The following ABCC3 variants were observed in gnomAD, a reference collection of about 807,000 sequenced individuals.
The protein encoded by ABCC3 is ATP binding cassette subfamily C member 3, also known as ATP-binding cassette sub-family C member 3.
A neutral mutation model predicts 165.3 loss-of-function variants in ABCC3; 121 were observed. The observed-to-expected ratio is 0.73, with a 90% CI of 0.63 to 0.85. ABCC3 has a LOEUF of 0.85. Among genes scored for constraint, ABCC3 ranks in the 40% least tolerant of loss-of-function variants. ABCC3 has a pLI of 0.00. For synonymous variants in ABCC3, 733 were observed against 810.1 expected (o/e 0.90, Z 1.62); for missense variants, 1,869 against 1,964.1 (o/e 0.95, Z 0.92).
rs116919241 is a variant in ABCC3, at chr17:50,672,835, G to A, written c.2242-136G>A. 4,749 of 728,088 alleles carry A rather than the reference G, an allele frequency of 6.5e-3. 109 individuals carry two copies. Among genetic ancestry groups the A allele is most frequent in the Admixed American group, 0.051 (1,770 of 34,622 alleles). The allele number at this position is 728,088 out of a possible 1,614,324, so 45.1% of individuals were successfully genotyped here. A position where few individuals can be genotyped will look rare whatever the true frequency, so the allele number is the denominator to read the frequency against. ...TGCAGTGAGCCAAGATCGCACCACT[G>A]CACTCCAGCCTGGGTGAGTGAGACC... On this transcript the variant is annotated intron_variant, in intron 17 of 30. Coordinates refer to ENST00000285238, the MANE Select transcript of ABCC3 (RefSeq NM_003786.4).
At chr17:50,645,927 G>A (rs1966995358) in intron 1 of ABCC3, among the ~76,000 whole-genome samples, 1 of 152,096 alleles carries the variant, frequency 6.6e-6, no homozygotes, top group Non-Finnish European at 1.5e-5. Context: ...TTTTTTCTGA[G>A]CACCTACTAT....
intron 1 of ABCC3, among the ~76,000 whole-genome samples, chr17:50,638,436 T>C (rs1430908036): frequency 6.6e-6 from 1 of 152,038 alleles, no homozygotes; most frequent in Non-Finnish European, 1.5e-5. Context: ...CACTGGGGGG[T>C]ATGTAAGGAC....
At chr17:50,656,677 A>G in intron 2 of ABCC3, 25 bp from the exon 3 acceptor site, 11 of 1,598,804 alleles carry the variant, frequency 6.9e-6, no homozygotes, top group Non-Finnish European at 9.4e-6. Flanking sequence ...GGGGATGCGG[A>G]TTCCAACCTG....
Position 50,655,921 on chromosome 17 carries a change from G to A in ABCC3, c.135G>A (p.Leu45=). The part of the protein sequence containing the change: ...SLLAWVPCIY[L]WVALPCYLLY... ...TGGCCTGGGTGCCCTGCATCTACCT[G>A]TGGGTCGCCCTGCCCTGCTACTTGC... is the stretch of plus-strand genomic sequence containing the variant. The change falls in exon 2 of 31, where the codon CTG becomes CTA. Residue 45 remains leucine (L), a synonymous_variant. Transcript: ENST00000285238. The A allele has an allele frequency of 6.2e-7, 1 of 1,614,070 alleles. No individual in the cohort carries two copies. Among genetic ancestry groups the A allele is most frequent in the Non-Finnish European group, 8.5e-7 (1 of 1,180,018 alleles).
chr17:50,654,631 C>T (rs146650278), intron 1 of ABCC3, among the ~76,000 whole-genome samples: 2 of 152,148 alleles, frequency 1.3e-5, no homozygotes, highest in Non-Finnish European at 2.9e-5. Flanking sequence ...GTCTCAAATC[C>T]ACCCAGTGAG....
chr17:50,676,425 T>C lies in ABCC3; in HGVS notation c.3215T>C (p.Phe1072Ser). Reference sequence around the variant, plus strand: ...CCATCAGGCCGCATCCTGAACTGCTTCTCCAAGGACATCTATGTCGTTGAT... The same window carrying C: ...CCATCAGGCCGCATCCTGAACTGCTCCTCCAAGGACATCTATGTCGTTGAT... Reference protein sequence around the residue: ...TTPSGRILNCFSKDIYVVDEV... With the variant: ...TTPSGRILNCSSKDIYVVDEV... Residue 1072 changes from phenylalanine to serine, a missense_variant, in exon 23 of 31, where the codon TTC becomes TCC. By Grantham distance (155) the Phe-to-Ser change is radical. Coordinates refer to ENST00000285238, the MANE Select transcript of ABCC3 (RefSeq NM_003786.4). 2 of 1,614,210 alleles carry C rather than the reference T, an allele frequency of 1.2e-6. No individual in the cohort carries two copies. The highest frequency in any genetic ancestry group is 1.7e-6 in the Non-Finnish European group (2 of 1,180,038).
chr17:50,684,684 C>T, intron 28 of ABCC3, 25 bp from the exon 29 acceptor site: 5 of 1,608,012 alleles, frequency 3.1e-6, no homozygotes, highest in Non-Finnish European at 3.4e-6. Flanking sequence ...AGCTGCCTCC[C>T]TCTGAGGCCA....
chr17:50,650,305 C>T (rs562110559), intron 1 of ABCC3, among the ~76,000 whole-genome samples: 1 of 152,262 alleles, frequency 6.6e-6, no homozygotes, highest in Admixed American at 6.5e-5. Context: ...TGGGGTTTCA[C>T]CATGTTGGCC....
At chr17:50,668,064 C>A in intron 13 of ABCC3, 55 bp downstream of exon 13, 2 of 1,501,238 alleles carry the variant, frequency 1.3e-6, no homozygotes, top group South Asian at 2.3e-5. Flanking sequence ...TTGTTGGGGT[C>A]AGGGAAGGGT....
intron 1 of ABCC3, among the ~76,000 whole-genome samples, chr17:50,649,494 T>G (rs963360983): frequency 1.3e-5 from 2 of 152,034 alleles, no homozygotes; most frequent in Non-Finnish European, 2.9e-5. Flanking sequence ...TCAAGTTACG[T>G]TGCAGTTTGT....
At position 50,691,486 on chromosome 17, in the gene ABCC3, A is replaced by G. The variant is rs2146652081; in HGVS notation, c.*286A>G. On this transcript the variant is annotated 3_prime_UTR_variant, in exon 31 of 31. Coordinates refer to ENST00000285238, the MANE Select transcript of ABCC3 (RefSeq NM_003786.4). ...TTATTTGCACACTGCACTGTTTTCAAATAACGATTTTATGAAATGACCTCT... is the reference window on the plus strand; with the variant it reads ...TTATTTGCACACTGCACTGTTTTCAGATAACGATTTTATGAAATGACCTCT... 3.9e-6 allele frequency: 1 copy of G among 256,568 alleles called. No individual in the cohort carries two copies. 15.9% of individuals were successfully genotyped at this position (256,568 alleles called of 1,614,324 possible). A position where few individuals can be genotyped will look rare whatever the true frequency, so the allele number is the denominator to read the frequency against.
intron 11 of ABCC3, among the ~76,000 whole-genome samples, chr17:50,666,012 C>A (rs572945902): frequency 6.6e-6 from 1 of 152,110 alleles, no homozygotes; most frequent in Non-Finnish European, 1.5e-5. Context: ...TCACCCCCTG[C>A]GGACTGGCCA....
At position 50,673,418 on chromosome 17, in the gene ABCC3, A is replaced by G. The variant is rs376022452; in HGVS notation, c.2410-51A>G. ...CACTCTGTGGCTCCGTGCCTGTGCC[A>G]GGGGTGTGCTGGAGGGTGGTAGGGG... On this transcript the variant is annotated intron_variant, in intron 18 of 30. Transcript: ENST00000285238. 1.0e-4 allele frequency: 167 copies of G among 1,590,698 alleles called. 1 individual carries two copies. In the African/African-American group the frequency reaches 2.1e-3, roughly 20 times the overall value.
At chr17:50,639,556 G>A (rs961815427) in intron 1 of ABCC3, among the ~76,000 whole-genome samples, 3 of 152,188 alleles carry the variant, frequency 2.0e-5, no homozygotes. Flanking sequence ...CACCCGGACT[G>A]TATTCAGTCC....
rs144007899 is a variant in ABCC3 at position 50,663,744 on chromosome 17, G to A, written c.1062G>A (p.Gly354=). ...APSWWGFLVA[G]LMFLCSMMQS... ...CCTGGTGGGGCTTCCTGGTGGCTGGGCTGATGTTCCTGTGCTCCATGATGC... is the reference window on the plus strand; with the variant it reads ...CCTGGTGGGGCTTCCTGGTGGCTGGACTGATGTTCCTGTGCTCCATGATGC... Residue 354 remains glycine, a synonymous_variant, in exon 9 of 31, where the codon GGG becomes GGA. Coordinates refer to ENST00000285238, the MANE Select transcript of ABCC3 (RefSeq NM_003786.4). 3.7e-6 allele frequency: 6 copies of A among 1,614,074 alleles called. No homozygotes were observed. The African/African-American group carries it at 6.7e-5, about 18-fold the overall frequency.
At position 50,673,486 on chromosome 17, in the gene ABCC3, G is replaced by A. The variant is rs769160557; in HGVS notation, c.2427G>A (p.Thr809=). The change falls in exon 19 of 31, where the codon ACG becomes ACA. Residue 809 remains threonine, a synonymous_variant. Transcript: ENST00000285238. ...VLAGKTRVLV[T]HGISFLPQTD... is the part of the protein sequence containing the mutation. ...CTCCCCAGACGCGAGTGCTGGTGAC[G>A]CACGGCATTAGCTTCCTGCCCCAGA... 2.2e-5 allele frequency: 36 copies of A among 1,613,964 alleles called. No individual in the cohort carries two copies. Among genetic ancestry groups the A allele is most frequent in the East Asian group, 4.5e-5 (2 of 44,886 alleles).
intron 1 of ABCC3, among the ~76,000 whole-genome samples, chr17:50,637,527 C>G (rs560520647): frequency 7.2e-5 from 11 of 152,236 alleles, no homozygotes; most frequent in African/African-American, 2.6e-4. Context: ...TGGTTCAGGG[C>G]AGCCCGGAAG....
Position 50,676,440 on chromosome 17 carries a change from A to AT in ABCC3, c.3231dup (p.Val1078CysfsTer3). On this transcript the variant is annotated frameshift_variant, in exon 23 of 31. Transcript: ENST00000285238. LOFTEE classifies it high-confidence loss of function. ...CTGAACTGCTTCTCCAAGGACATCTATGTCGTTGATGAGGTTCTGGCCCCT... is the reference window on the plus strand; with the variant it reads ...CTGAACTGCTTCTCCAAGGACATCTATTGTCGTTGATGAGGTTCTGGCCCCT... The AT allele has an allele frequency of 6.2e-7, 1 of 1,614,132 alleles. No individual in the cohort carries two copies. The highest frequency in any genetic ancestry group is 1.3e-5 in the African/African-American group (1 of 75,018).
Position 50,667,705 on chromosome 17 carries a change from C to T in ABCC3, c.1583C>T (p.Ala528Val), listed in dbSNP as rs1003355. ...GGTGAGCTCCAGCTGCTGCGCACGG[C>T]GGCCTACCTCCACACCACAACCACC... ...RQGELQLLRT[A>V]AYLHTTTTFT... The change falls in exon 12 of 31, where the codon GCG (alanine) becomes GTG (valine). Residue 528 changes from alanine (A) to valine (V), a missense_variant. By Grantham distance (64) the Ala-to-Val change is moderately conservative. Transcript: ENST00000285238. 71 of 1,613,928 alleles carry T rather than the reference C, an allele frequency of 4.4e-5. No homozygotes were observed. Among genetic ancestry groups the T allele is most frequent in the Middle Eastern group, 1.6e-4 (1 of 6,084 alleles).
Sources: gnomAD v4.1 joint callset for allele counts (sites outside exome capture counted in the v4.1 genomes callset) on GRCh38, gnomAD v4.1.1 for gene constraint, MANE v1.5 for transcripts, NCBI Gene and HGNC (gene_info 2026-07-23, HGNC 2026-07-21) for gene names.